The following MAP3K5 variants were observed in gnomAD, a reference collection of about 807,000 sequenced individuals.
MAP3K5 encodes the protein mitogen-activated protein kinase kinase kinase 5, also known as ASK-1.
Under a neutral mutation model 158.7 loss-of-function variants are expected in MAP3K5, and 56 were observed. That is an observed-to-expected ratio of 0.35 (90% confidence interval 0.28 to 0.44). The LOEUF (loss-of-function observed/expected upper bound fraction) is 0.44. Ranked by LOEUF, MAP3K5 falls within the 20% of genes least tolerant of loss-of-function variation. The pLI is 1.00. For missense variants in MAP3K5, 1,294 were observed against 1,674.8 expected, an observed-to-expected ratio of 0.77 and a Z score of 3.97; for synonymous variants, 579 against 601.7, an observed-to-expected ratio of 0.96 and a Z score of 0.55.
At chr6:136,786,537 T>C (rs907344953) in intron 1 of MAP3K5, among the ~76,000 whole-genome samples, 2 of 152,332 alleles carry the variant, frequency 1.3e-5, no homozygotes, top group African/African-American at 4.8e-5. Flanking sequence ...TTGGCTTTGC[T>C]GTCTCTGAGT....
At chr6:136,755,863 G>A (rs1783456070) in intron 1 of MAP3K5, among the ~76,000 whole-genome samples, 1 of 152,060 alleles carries the variant, frequency 6.6e-6, no homozygotes, top group Admixed American at 6.5e-5. Context: ...AGTCAAAGAT[G>A]ACACTGAGGT....
At chr6:136,673,214 C>G (rs1779559484) in intron 7 of MAP3K5, among the ~76,000 whole-genome samples, 1 of 151,984 alleles carries the variant, frequency 6.6e-6, no homozygotes, top group South Asian at 2.1e-4. Context: ...AAATGAAAAC[C>G]CAGACCCAAC....
At chr6:136,665,235 C>T (rs1166519346) in intron 8 of MAP3K5, among the ~76,000 whole-genome samples, 1 of 152,102 alleles carries the variant, frequency 6.6e-6, no homozygotes, top group Non-Finnish European at 1.5e-5. Flanking sequence ...TTCAACATCA[C>T]TCTCATTATC....
intron 10 of MAP3K5, among the ~76,000 whole-genome samples, chr6:136,654,294 C>T (rs1314482188): frequency 6.6e-6 from 1 of 152,196 alleles, no homozygotes; most frequent in Non-Finnish European, 1.5e-5. Context: ...CTTGTCTCCA[C>T]AATGGTGTCA....
chr6:136,679,372 T>C (rs1186934080), intron 7 of MAP3K5, among the ~76,000 whole-genome samples: 1 of 152,238 alleles, frequency 6.6e-6, no homozygotes, highest in Non-Finnish European at 1.5e-5. Flanking sequence ...TTTTTCCTTG[T>C]TTGTGATATA....
At chr6:136,761,418 C>G (rs934980220) in intron 1 of MAP3K5, among the ~76,000 whole-genome samples, 13 of 151,876 alleles carry the variant, frequency 8.6e-5, no homozygotes, top group Admixed American at 7.9e-4. Flanking sequence ...GTGTGGAGGA[C>G]AGAAGGTTCT....
intron 8 of MAP3K5, among the ~76,000 whole-genome samples, chr6:136,665,011 T>C (rs1460102274): frequency 6.6e-6 from 1 of 152,182 alleles, no homozygotes; most frequent in African/African-American, 2.4e-5. Flanking sequence ...TAAGGGCACA[T>C]GTCTCGCCAC....
intron 14 of MAP3K5, among the ~76,000 whole-genome samples, chr6:136,631,137 C>T (rs1229216760): frequency 6.6e-6 from 1 of 152,178 alleles, no homozygotes; most frequent in Non-Finnish European, 1.5e-5. Flanking sequence ...TTTGTCTGCT[C>T]TCCTGTCAAC....
At position 136,635,579 on chromosome 6, in the gene MAP3K5, C is replaced by T. The variant is rs141041610; in HGVS notation, c.2016+1746G>A. 6.9e-4 allele frequency among the ~76,000 whole-genome samples: 105 copies of T among 151,894 alleles called. 1 individual carries two copies. Among genetic ancestry groups the T allele is most frequent in the African/African-American group, 1.9e-3 (78 of 41,440 alleles). On this transcript the variant is annotated intron_variant, in intron 14 of 29. Coordinates refer to ENST00000359015, the MANE Select transcript of MAP3K5 (RefSeq NM_005923.4). Reference sequence around the variant, plus strand: ...GCTAGATAATCATAGAACTTAACTACGGGCAGAGTTAACAACTAGCTATTA... The same window carrying T: ...GCTAGATAATCATAGAACTTAACTATGGGCAGAGTTAACAACTAGCTATTA...
In MAP3K5 at chr6:136,576,464, T is replaced by C. The variant is rs2072194940; in HGVS notation, c.3517+3837A>G. On this transcript the variant is annotated intron_variant, in intron 25 of 29. Transcript: ENST00000359015. ...GTAGCTATGGGCATGCACCACTATG[T>C]CTGCCTAATTTATTTTTATTTTTTT... Among the ~76,000 whole-genome samples the C allele has an allele frequency of 2.0e-5, 3 of 152,124 alleles. No homozygotes were observed. In the South Asian group the frequency reaches 6.2e-4, roughly 32 times the overall value.
intron 14 of MAP3K5, chr6:136,636,768 A>T (rs1373074239): frequency 1.1e-6 from 1 of 916,604 alleles, no homozygotes; most frequent in African/African-American, 1.8e-5. Flanking sequence ...CATAACGAGA[A>T]CAAGTCTCTA....
chr6:136,626,875 T>A (rs1398174320), intron 14 of MAP3K5, among the ~76,000 whole-genome samples: 2 of 150,306 alleles, frequency 1.3e-5, no homozygotes, highest in Non-Finnish European at 2.9e-5. Context: ...TGATCAGAAA[T>A]TTTTTTTTCC....
At chr6:136,597,468 T>G (rs989281603) in intron 21 of MAP3K5, among the ~76,000 whole-genome samples, 10 of 152,204 alleles carry the variant, frequency 6.6e-5, no homozygotes, top group African/African-American at 2.2e-4. Flanking sequence ...AGGAACAGTC[T>G]GGCCACAACA....
intron 11 of MAP3K5, chr6:136,647,739 G>C (rs577078652): frequency 6.6e-6 from 1 of 152,248 alleles, no homozygotes; most frequent in South Asian, 2.1e-4. Flanking sequence ...TTCTAATCTA[G>C]TTTGTCTTCC....
chr6:136,781,408 C>G (rs973863438), intron 1 of MAP3K5, among the ~76,000 whole-genome samples: 1 of 152,226 alleles, frequency 6.6e-6, no homozygotes, highest in Non-Finnish European at 1.5e-5. Context: ...GACTCTTCCT[C>G]ATAATAATAA....
chr6:136,736,087 G>A (rs1782448342), intron 1 of MAP3K5, among the ~76,000 whole-genome samples: 1 of 151,916 alleles, frequency 6.6e-6, no homozygotes, highest in Non-Finnish European at 1.5e-5. Context: ...AGAAATCGTT[G>A]CTCATCCTGG....
intron 1 of MAP3K5, among the ~76,000 whole-genome samples, chr6:136,765,258 T>C (rs779781997): frequency 2.6e-5 from 4 of 152,178 alleles, no homozygotes; most frequent in Non-Finnish European, 4.4e-5. Flanking sequence ...GTGCATGATC[T>C]CATTTAACTT....
At chr6:136,779,746 A>G (rs1784541718) in intron 1 of MAP3K5, among the ~76,000 whole-genome samples, 1 of 152,208 alleles carries the variant, frequency 6.6e-6, no homozygotes, top group African/African-American at 2.4e-5. Flanking sequence ...GTTTCCAGAC[A>G]CCACAGGCAT....
chr6:136,569,277 T>C (rs550302259), intron 25 of MAP3K5, among the ~76,000 whole-genome samples: 47 of 152,340 alleles, frequency 3.1e-4, no homozygotes, highest in African/African-American at 1.1e-3. Flanking sequence ...CTGCATTCTG[T>C]AGAGAATCCC....
Sources: allele counts gnomAD v4.1 joint callset (sites outside exome capture counted in the v4.1 genomes callset), GRCh38; gene constraint gnomAD v4.1.1; transcripts MANE v1.5; gene names NCBI Gene and HGNC (gene_info 2026-07-23, HGNC 2026-07-21).